The following RBM10 variants were observed in gnomAD, a reference collection of about 807,000 sequenced individuals.
RBM10 encodes the protein RNA binding motif protein 10.
RBM10 carries 1 observed loss-of-function variant against 84.9 expected under a neutral mutation model. The observed-to-expected ratio is 0.01, with a 90% CI of 0.00 to 0.06. The LOEUF is 0.06. Among genes scored for constraint, RBM10 ranks in the 10% least tolerant of loss-of-function variants. The pLI is 1.00. For missense variants in RBM10, 438 were observed against 839.0 expected, an observed-to-expected ratio of 0.52 and a Z score of 5.90; for synonymous variants, 326 against 344.5, an observed-to-expected ratio of 0.95 and a Z score of 0.60.
intron 2 of RBM10, among the ~76,000 whole-genome samples, chrX:47,155,669 CT>C (rs1457502339): frequency 1.1e-5 from 1 of 94,372 alleles, no homozygotes; most frequent in African/African-American, 3.9e-5. Context: ...GGTGGCGGAG[CT>C]TGCAGTGAGC....
chrX:47,173,249 G>C (rs782342454), intron 5 of RBM10, 52 bp downstream of exon 5: 1 of 1,194,516 alleles, frequency 8.4e-7, no homozygotes, highest in South Asian at 1.8e-5. Flanking sequence ...CTCAGCCTCC[G>C]AATCTCCCTC....
chrX:47,156,751 C>T, intron 2 of RBM10: 1 of 172,475 alleles, frequency 5.8e-6, no homozygotes, highest in Non-Finnish European at 1.1e-5. Flanking sequence ...GTACTACCCA[C>T]ATAGGCATTG....
chrX:47,162,656 G>A (rs1046979447), intron 2 of RBM10, among the ~76,000 whole-genome samples: 8 of 109,870 alleles, frequency 7.3e-5, no homozygotes, highest in South Asian at 3.9e-4. Context: ...GGGGCGGATC[G>A]TGAAGTCAGG....
In RBM10 at chrX:47,182,179, G is replaced by C. The variant is rs1935600367; in HGVS notation, c.1803G>C (p.Gln601His). Reference protein sequence around the residue: ...DPNSQYYYNAQSQQYLYWDGE... With the variant: ...DPNSQYYYNAHSQQYLYWDGE... ...TCCCTCAGTATTACTACAATGCTCA[G>C]AGCCAGCAGTACCTGTACTGGGATG... is the stretch of plus-strand genomic sequence containing the variant. Residue 601 changes from glutamine to histidine, a missense_variant, in exon 17 of 24, where the codon CAG (glutamine) becomes CAC (histidine). Coordinates refer to ENST00000377604, the MANE Select transcript of RBM10 (RefSeq NM_005676.5). The C allele has an allele frequency of 2.5e-6, 3 of 1,211,888 alleles. No individual in the cohort carries two copies. Among genetic ancestry groups the C allele is most frequent in the Non-Finnish European group, 3.3e-6 (3 of 895,543 alleles).
In RBM10 at chrX:47,145,228, G is replaced by A; in HGVS notation, c.-383G>A. ...GCCAGAGCGCGCTTCCTTAGTAGGTGGATGGTGGTCGGAGCGCCGACTCCC... is the reference window on the plus strand; with the variant it reads ...GCCAGAGCGCGCTTCCTTAGTAGGTAGATGGTGGTCGGAGCGCCGACTCCC... On this transcript the variant is annotated 5_prime_UTR_variant, in exon 1 of 24. Transcript: ENST00000377604. 2.2e-6 allele frequency: 1 copy of A among 459,029 alleles called. No individual in the cohort carries two copies. Among genetic ancestry groups the A allele is most frequent in the Non-Finnish European group, 3.8e-6 (1 of 259,964 alleles). 37.8% of individuals were successfully genotyped at this position (459,029 alleles called of 1,213,427 possible). A position where few individuals can be genotyped will look rare whatever the true frequency, so the allele number is the denominator to read the frequency against.
chrX:47,162,799 G>A (rs1393970568), intron 2 of RBM10, among the ~76,000 whole-genome samples: 6 of 109,632 alleles, frequency 5.5e-5, no homozygotes, highest in South Asian at 7.9e-4. Flanking sequence ...GCTTGAACCC[G>A]GGTGGAGGTT....
At chrX:47,170,960 C>T (rs1934603337) in intron 3 of RBM10, 68 bp from the exon 4 acceptor site, 22 of 1,084,179 alleles carry the variant, frequency 2.0e-5, no homozygotes, top group Middle Eastern at 2.5e-4. Flanking sequence ...ACAGAGCCAG[C>T]GGCCAGCTCC....
intron 2 of RBM10, among the ~76,000 whole-genome samples, chrX:47,147,896 A>G (rs782593428): frequency 3.6e-5 from 4 of 111,581 alleles, no homozygotes; most frequent in African/African-American, 1.3e-4. Context: ...AGTATGGGCT[A>G]CAGTTGGCAT....
chrX:47,176,147 C>G (rs1297146658), intron 6 of RBM10, among the ~76,000 whole-genome samples: 3 of 111,106 alleles, frequency 2.7e-5, no homozygotes, highest in Non-Finnish European at 3.8e-5. Context: ...CCTCACCCCC[C>G]AAGTGTAGCC....
At chrX:47,153,369 C>T (rs1482586607) in intron 2 of RBM10, among the ~76,000 whole-genome samples, 1 of 111,917 alleles carries the variant, frequency 8.9e-6, no homozygotes, top group East Asian at 2.8e-4. Context: ...GCATTGAGCT[C>T]CTTGTCTCCT....
intron 3 of RBM10, among the ~76,000 whole-genome samples, chrX:47,169,768 C>T (rs1268725555): frequency 8.9e-6 from 1 of 112,193 alleles, no homozygotes; most frequent in Non-Finnish European, 1.9e-5. Flanking sequence ...TTGTTCAGTT[C>T]GGGCCCATGG....
intron 2 of RBM10, among the ~76,000 whole-genome samples, chrX:47,165,049 G>A (rs1934061920): frequency 8.9e-6 from 1 of 111,909 alleles, no homozygotes; most frequent in Admixed American, 9.6e-5. Flanking sequence ...CCACTACTAT[G>A]AAGTACCTAG....
intron 6 of RBM10, 63 bp from the exon 7 acceptor site, chrX:47,176,437 A>G (rs781843994): frequency 2.5e-6 from 3 of 1,203,402 alleles, no homozygotes; most frequent in Non-Finnish European, 3.4e-6. Flanking sequence ...CTCTTCTCCT[A>G]TGCTGAAACG....
intron 6 of RBM10, 23 bp from the exon 7 acceptor site, chrX:47,176,477 C>A (rs1556776237): frequency 1.7e-6 from 2 of 1,211,273 alleles, no homozygotes; most frequent in Non-Finnish European, 2.2e-6. Flanking sequence ...CTGGACCTCA[C>A]TGTGCTCTGC....
intron 6 of RBM10, among the ~76,000 whole-genome samples, chrX:47,175,574 C>G (rs1482410554): frequency 9.0e-6 from 1 of 111,446 alleles, no homozygotes. Flanking sequence ...GTGAATTTGG[C>G]CCTTTGATTT....
At chrX:47,152,303 T>C (rs1010328901) in intron 2 of RBM10, among the ~76,000 whole-genome samples, 1 of 111,603 alleles carries the variant, frequency 9.0e-6, no homozygotes, top group African/African-American at 3.3e-5. Flanking sequence ...TGTATGTATA[T>C]GTTTATGACT....
intron 12 of RBM10, 34 bp downstream of exon 12, chrX:47,180,540 A>T (rs1556778685): frequency 1.7e-6 from 2 of 1,202,579 alleles, no homozygotes; most frequent in Admixed American, 4.4e-5. Context: ...CAGCGTCCTG[A>T]GACCTGGGCT....
At chrX:47,168,015 A>G (rs1354878591) in intron 2 of RBM10, among the ~76,000 whole-genome samples, 1 of 112,370 alleles carries the variant, frequency 8.9e-6, no homozygotes, top group Non-Finnish European at 1.9e-5. Flanking sequence ...GATAACGGAC[A>G]TTCTAATGTT....
chrX:47,167,138 T>TATCAGATACACATCATTGA (rs1934289261), intron 2 of RBM10, among the ~76,000 whole-genome samples: 1 of 111,386 alleles, frequency 9.0e-6, no homozygotes, highest in African/African-American at 3.3e-5. Flanking sequence ...ATTGATATTT[T>TATCAGATACACATCATTGA]TATCTGTGAA....
Sources: allele counts gnomAD v4.1 joint callset (sites outside exome capture counted in the v4.1 genomes callset), GRCh38; gene constraint gnomAD v4.1.1; transcripts MANE v1.5; gene names NCBI Gene and HGNC (gene_info 2026-07-23, HGNC 2026-07-21).